SETD2: variants seen among roughly 807,000 people sequenced by gnomAD.
SETD2 encodes histone-lysine N-methyltransferase SETD2.
A neutral mutation model predicts 242.1 loss-of-function variants in SETD2; 31 were observed. The observed-to-expected ratio is 0.13, with a 90% CI of 0.10 to 0.17. The LOEUF is 0.17. SETD2 is among the 10% of genes least tolerant of loss of function. SETD2 has a pLI of 1.00. For synonymous variants in SETD2, 1,006 were observed against 1,066.5 expected (o/e 0.94, Z 1.11); for missense variants, 2,481 against 3,046.3 (o/e 0.81, Z 4.37).
rs72913680 is a variant in SETD2, at chr3:47,101,841, A to G, written c.4918-286T>C. ...ACTGCTAAAAAAAAGAAAAAAAAGT[A>G]ACTGCTATTTTAATTTATCTTAACA... is the stretch of plus-strand genomic sequence containing the variant. On this transcript the variant is annotated intron_variant, in intron 7 of 20. Coordinates refer to ENST00000409792, the MANE Select transcript of SETD2 (RefSeq NM_014159.7). Among the ~76,000 whole-genome samples, 586 of 152,302 alleles carry G rather than the reference A, an allele frequency of 3.8e-3. 5 individuals are homozygous for G. The highest frequency in any genetic ancestry group is 0.013 in the African/African-American group (529 of 41,564).
chr3:47,128,765 A>G (rs2043408740), intron 1 of SETD2, among the ~76,000 whole-genome samples: 1 of 152,210 alleles, frequency 6.6e-6, no homozygotes, highest in African/African-American at 2.4e-5. Context: ...TATCAATGGT[A>G]TAATAGTTTT....
chr3:47,140,288 A>AT (rs1196104171), intron 1 of SETD2, among the ~76,000 whole-genome samples: 1 of 152,220 alleles, frequency 6.6e-6, no homozygotes, highest in East Asian at 1.9e-4. Context: ...AGTGAATGAT[A>AT]TTCACCTGTT....
intron 18 of SETD2, among the ~76,000 whole-genome samples, chr3:47,033,706 G>T (rs1190310504): frequency 3.3e-5 from 4 of 119,758 alleles, no homozygotes; most frequent in Non-Finnish European, 6.4e-5. Flanking sequence ...TTGTTGTCCA[G>T]GTTGGAGTGC....
At chr3:47,141,473 A>C (rs888132429) in intron 1 of SETD2, among the ~76,000 whole-genome samples, 13 of 152,202 alleles carry the variant, frequency 8.5e-5, no homozygotes, top group Non-Finnish European at 1.5e-4. Flanking sequence ...CCTTCTAAAT[A>C]AAAACACAGA....
chr3:47,129,665 C>T (rs553254793), intron 1 of SETD2, among the ~76,000 whole-genome samples: 54 of 152,282 alleles, frequency 3.5e-4, no homozygotes, highest in African/African-American at 1.2e-3. Flanking sequence ...GCGGGTGGAT[C>T]ACCTGAGGTT....
At chr3:47,045,519 TAAA>T (rs902155233) in intron 16 of SETD2, among the ~76,000 whole-genome samples, 3 of 100,984 alleles carry the variant, frequency 3.0e-5, no homozygotes, top group Non-Finnish European at 4.0e-5. Context: ...CTCCATCTCT[TAAA>T]AAAAAAAAAA....
chr3:47,101,439 T>C lies in SETD2; in HGVS notation c.5015+19A>G. 6.8e-7 allele frequency: 1 copy of C among 1,474,830 alleles called. No individual in the cohort carries two copies. Among genetic ancestry groups the C allele is most frequent in the Non-Finnish European group, 9.5e-7 (1 of 1,057,872 alleles). The allele number at this position is 1,474,830 out of a possible 1,614,324, so 91.4% of individuals were successfully genotyped here. On this transcript the variant is annotated intron_variant, in intron 8 of 20. Coordinates refer to ENST00000409792, the MANE Select transcript of SETD2 (RefSeq NM_014159.7). ...ATTTCCCCATCAGAAGCAGCAAAAT[T>C]AGTAGAAACAATACTTACCCATATC...
intron 1 of SETD2, among the ~76,000 whole-genome samples, chr3:47,139,058 C>T (rs1331990512): frequency 6.6e-6 from 1 of 152,136 alleles, no homozygotes; most frequent in Non-Finnish European, 1.5e-5. Flanking sequence ...CCTCGAACTC[C>T]TGGGTTCAAG....
At chr3:47,102,983 A>C (rs1442943253) in intron 7 of SETD2, among the ~76,000 whole-genome samples, 2 of 152,168 alleles carry the variant, frequency 1.3e-5, no homozygotes, top group East Asian at 3.8e-4. Flanking sequence ...GAGAGGTGAC[A>C]ACTAAATGCA....
At chr3:47,053,616 T>C (rs934812672) in intron 15 of SETD2, among the ~76,000 whole-genome samples, 2 of 152,260 alleles carry the variant, frequency 1.3e-5, no homozygotes, top group Admixed American at 1.3e-4. Flanking sequence ...AATATGTAGA[T>C]ACACAGACGT....
At position 47,084,230 on chromosome 3, in the gene SETD2, A is replaced by G; in HGVS notation, c.5550T>C (p.Arg1850=). 1 of 1,614,100 alleles carries G rather than the reference A, an allele frequency of 6.2e-7. No individual in the cohort carries two copies. The highest frequency in any genetic ancestry group is 8.5e-7 in the Non-Finnish European group (1 of 1,180,022). ...CAGGTGTGTTGAGTGGTGTATGAGC[A>G]CGCGATGTATTCTCACTAGAATACC... is the stretch of plus-strand genomic sequence containing the variant. ...GDGYSSENTS[R]AHTPLNTPDP... The change falls in exon 12 of 21, where the codon CGT becomes CGC. Residue 1850 remains arginine (R), a synonymous_variant. Coordinates refer to ENST00000409792, the MANE Select transcript of SETD2 (RefSeq NM_014159.7).
chr3:47,019,690 T>C, intron 19 of SETD2, 70 bp downstream of exon 19: 2 of 1,320,572 alleles, frequency 1.5e-6, no homozygotes, highest in Non-Finnish European at 2.2e-6. Context: ...TTCGACATAC[T>C]TAGGACAAGA....
intron 18 of SETD2, among the ~76,000 whole-genome samples, chr3:47,026,321 T>C (rs994242978): frequency 1.3e-5 from 2 of 151,868 alleles, no homozygotes; most frequent in African/African-American, 2.4e-5. Flanking sequence ...ACCGGAGAGG[T>C]TGTGGAAAAT....
At chr3:47,107,997 A>T (rs2042504999) in intron 5 of SETD2, among the ~76,000 whole-genome samples, 1 of 151,994 alleles carries the variant, frequency 6.6e-6, no homozygotes, top group African/African-American at 2.4e-5. Context: ...AAGAAAAAAA[A>T]GCTGGGCACA....
At chr3:47,128,014 C>T (rs973386163) in intron 1 of SETD2, among the ~76,000 whole-genome samples, 1 of 126,774 alleles carries the variant, frequency 7.9e-6, no homozygotes, top group Non-Finnish European at 1.7e-5. Context: ...CACACACACA[C>T]AAAATAACAT....
intron 2 of SETD2, among the ~76,000 whole-genome samples, 185 bp from the exon 3 acceptor site, chr3:47,124,733 G>C (rs2043258185): frequency 6.6e-6 from 1 of 151,922 alleles, no homozygotes; most frequent in Non-Finnish European, 1.5e-5. Context: ...TATAGAAAAT[G>C]GTATAATAAA....
In SETD2 at chr3:47,017,518, C is replaced by T; in HGVS notation, c.7533+120G>A. The T allele has an allele frequency of 1.2e-6, 1 of 801,556 alleles. No individual in the cohort carries two copies. The highest frequency in any genetic ancestry group is 2.4e-5 in the Admixed American group (1 of 41,058). 49.7% of individuals were successfully genotyped at this position (801,556 alleles called of 1,614,324 possible). On this transcript the variant is annotated intron_variant, in intron 20 of 20. Coordinates refer to ENST00000409792, the MANE Select transcript of SETD2 (RefSeq NM_014159.7). This position sits in a 1 kb window ranked among gnomAD's most constrained non-coding sequence, Gnocchi z 4.8. ...AACCTTCCCTCCCCGTTCCTGGGTC[C>T]CCAGCTCTGACATCTGACAAGAAAA...
rs2043033015 is a variant in SETD2 at position 47,120,564 on chromosome 3, G to A, written c.4072C>T (p.Leu1358=). 1 of 1,614,146 alleles carries A rather than the reference G, an allele frequency of 6.2e-7. No homozygotes were observed. The highest frequency in any genetic ancestry group is 1.6e-4 in the Middle Eastern group (1 of 6,062). Residue 1358 remains leucine (L), a synonymous_variant, in exon 3 of 21, where the codon CTA becomes TTA. Transcript: ENST00000409792. ...GACCCCTTGTCTTTCTGAAGGGATAGAAGAAATTTATCGGACTGGTCTGAA... is the reference window on the plus strand; with the variant it reads ...GACCCCTTGTCTTTCTGAAGGGATAAAAGAAATTTATCGGACTGGTCTGAA... ...HFSDQSDKFL[L]SLQKDKGSVQ...
chr3:47,090,639 C>T (rs2041762678), intron 9 of SETD2, among the ~76,000 whole-genome samples: 1 of 152,122 alleles, frequency 6.6e-6, no homozygotes, highest in South Asian at 2.1e-4. Flanking sequence ...ATCTGCCCGC[C>T]TCAGCCTCCC....
Sources: gnomAD v4.1 joint callset for allele counts (sites outside exome capture counted in the v4.1 genomes callset) on GRCh38, gnomAD v4.1.1 for gene constraint, Gnocchi (gnomAD v3.1) non-coding constraint, MANE v1.5 for transcripts, NCBI Gene and HGNC (gene_info 2026-07-23, HGNC 2026-07-21) for gene names.